IQCN: variants seen among roughly 807,000 people sequenced by gnomAD.
IQCN encodes the protein IQ motif containing N, also known as IQ domain-containing protein N.
IQCN carries 46 observed loss-of-function variants against 64.4 expected under a neutral mutation model. The ratio of observed to expected loss-of-function variants is 0.71; its 90% CI spans 0.56 to 0.91. IQCN has a LOEUF of 0.91. IQCN is among the 40% of genes least tolerant of loss of function. IQCN has a pLI of 0.00. For synonymous variants in IQCN, 733 were observed against 775.6 expected (o/e 0.95, Z 0.91); for missense variants, 1,753 against 1,857.4 (o/e 0.94, Z 1.03).
chr19:18,271,792 C>T (rs559460643), intron 1 of IQCN, among the ~76,000 whole-genome samples: 14 of 152,030 alleles, frequency 9.2e-5, no homozygotes, highest in African/African-American at 3.1e-4. Flanking sequence ...GGGCTCTGTT[C>T]GTTTATTATC....
Position 18,266,016 on chromosome 19 carries a change from T to TA in IQCN, c.1523dup (p.Leu508PhefsTer42), listed in dbSNP as rs750231991. ...TCTTGAGGATGGTGGCCACCGAGCG[T>TA]AACTGGGCTGGGGTCTTGGTTATCA... is the stretch of plus-strand genomic sequence containing the variant. On this transcript the variant is annotated frameshift_variant, in exon 3 of 4. Coordinates refer to ENST00000392413, the MANE Select transcript of IQCN (RefSeq NM_001145304.2). LOFTEE classifies it high-confidence loss of function. This position sits in a 1 kb window ranked among gnomAD's most constrained non-coding sequence, Gnocchi z 4.3. The TA allele has an allele frequency of 7.4e-6, 12 of 1,614,054 alleles. No homozygotes were observed. The Admixed American group carries it at 1.5e-4, about 20-fold the overall frequency.
intron 1 of IQCN, among the ~76,000 whole-genome samples, chr19:18,271,048 T>C (rs935862567): frequency 5.3e-5 from 8 of 151,002 alleles, no homozygotes; most frequent in Non-Finnish European, 1.0e-4. Flanking sequence ...GGCATGCACC[T>C]GTAATCCCAG....
In IQCN at chr19:18,257,653, T is replaced by C; in HGVS notation, c.3631A>G (p.Arg1211Gly). The change falls in exon 4 of 4, where the codon AGA (arginine) becomes GGA (glycine). Residue 1211 changes from arginine (R) to glycine (G), a missense_variant. Transcript: ENST00000392413. ...MSDRSWFQDG[R>G]ARTVSDHRCF... is the part of the protein sequence containing the mutation. ...CGATGGTCAGATACTGTCCTGGCTC[T>C]GCCATCCTGGAACCAGCTTCGGTCA... is the stretch of plus-strand genomic sequence containing the variant. 6.2e-7 allele frequency: 1 copy of C among 1,609,788 alleles called. No individual in the cohort carries two copies. The highest frequency in any genetic ancestry group is 8.5e-7 in the Non-Finnish European group (1 of 1,177,794).
intron 3 of IQCN, chr19:18,261,477 G>A (rs1433947430): frequency 6.4e-6 from 1 of 155,262 alleles, no homozygotes; most frequent in East Asian, 1.9e-4. Context: ...GATGGTCAGA[G>A]ATGGCTGGGT....
In IQCN at chr19:18,266,869, A is replaced by C; in HGVS notation, c.671T>G (p.Val224Gly). ...GACTCTGGCAGCATGAGGACCCTGC[A>C]CACAGGGCTCTGGGGTACCCTGAGC... Reference protein sequence around the residue: ...PAAQGTPEPCVQGPHAARVRG... With the variant: ...PAAQGTPEPCGQGPHAARVRG... Residue 224 changes from valine (V) to glycine (G), a missense_variant, in exon 3 of 4, where the codon GTG becomes GGG. By Grantham distance (109) the Val-to-Gly change is moderately radical. Transcript: ENST00000392413. The surrounding 1 kb of genome is among the most constrained non-coding windows in gnomAD (Gnocchi z 4.3). 1 of 1,612,922 alleles carries C rather than the reference A, an allele frequency of 6.2e-7. No homozygotes were observed. The highest frequency in any genetic ancestry group is 8.5e-7 in the Non-Finnish European group (1 of 1,179,230).
In IQCN at chr19:18,265,414, A is replaced by G; in HGVS notation, c.2126T>C (p.Leu709Pro). Residue 709 changes from leucine to proline, a missense_variant, in exon 3 of 4, where the codon CTG (leucine) becomes CCG (proline). By Grantham distance (98) the Leu-to-Pro change is moderately conservative. Transcript: ENST00000392413. This position sits in a 1 kb window ranked among gnomAD's most constrained non-coding sequence, Gnocchi z 4.7. ...ELTKTPSLAH[L>P]DTCLSKMHSQ... ...ATGCATCTTGCTCAGACAGGTGTCC[A>G]GATGGGCCAGGGATGGGGTCTTGGT... 6.2e-7 allele frequency: 1 copy of G among 1,614,214 alleles called. No homozygotes were observed. Among genetic ancestry groups the G allele is most frequent in the South Asian group, 1.1e-5 (1 of 91,084 alleles).
rs752385923 is a variant in IQCN, at chr19:18,265,991, T to C, written c.1549A>G (p.Thr517Ala). The change falls in exon 3 of 4, where the codon ACT becomes GCT. Residue 517 changes from threonine to alanine, a missense_variant. By Grantham distance (58) the Thr-to-Ala change is moderately conservative. Transcript: ENST00000392413. This position sits in a 1 kb window ranked among gnomAD's most constrained non-coding sequence, Gnocchi z 4.7. ...ACTGTTGGAGAGGCCAGACACAGAG[T>C]CTTGAGGATGGTGGCCACCGAGCGT... ...QLRSVATILK[T>A]LCLASPTVAN... is the part of the protein sequence containing the mutation. The C allele has an allele frequency of 1.2e-6, 2 of 1,613,610 alleles. No homozygotes were observed. The highest frequency in any genetic ancestry group is 1.7e-4 in the Middle Eastern group (1 of 6,060).
chr19:18,266,401 T>C lies in IQCN; in HGVS notation c.1139A>G (p.Gln380Arg), dbSNP rs754545764. Residue 380 changes from glutamine (Q) to arginine (R), a missense_variant, in exon 3 of 4, where the codon CAG becomes CGG. Physicochemically the swap from Gln to Arg is conservative, Grantham distance 43. Coordinates refer to ENST00000392413, the MANE Select transcript of IQCN (RefSeq NM_001145304.2). This position sits in a 1 kb window ranked among gnomAD's most constrained non-coding sequence, Gnocchi z 4.3. ...GGTCACTGTGGGCCCCGGATACATCTGGGCTGGGGTCTTGATTATTGTTAC... is the reference window on the plus strand; with the variant it reads ...GGTCACTGTGGGCCCCGGATACATCCGGGCTGGGGTCTTGATTATTGTTAC... ...PKVTIIKTPA[Q>R]MYPGPTVTKT... 6.3e-7 allele frequency: 1 copy of C among 1,595,660 alleles called. No individual in the cohort carries two copies.
Position 18,257,883 on chromosome 19 carries a change from C to T in IQCN, c.3401G>A (p.Arg1134Gln), listed in dbSNP as rs141150778. 2.1e-5 allele frequency: 34 copies of T among 1,612,376 alleles called. No homozygotes were observed. Among genetic ancestry groups the T allele is most frequent in the South Asian group, 1.5e-4 (14 of 91,076 alleles). Reference protein sequence around the residue: ...VRGYLARRRIRLWHRGAMVIQ... With the variant: ...VRGYLARRRIQLWHRGAMVIQ... ...GACCATGGCCCCCCGGTGCCACAGC[C>T]GGATCCTGCGACGCGCCAGGTAGCC... The change falls in exon 4 of 4, where the codon CGG becomes CAG. Residue 1134 changes from arginine (R) to glutamine (Q), a missense_variant. Arg to Gln is a conservative substitution (Grantham distance 43). Coordinates refer to ENST00000392413, the MANE Select transcript of IQCN (RefSeq NM_001145304.2).
chr19:18,265,280 T>A lies in IQCN; in HGVS notation c.2260A>T (p.Thr754Ser). ...GCCTGGTGCGCTGGGATGAGGCACG[T>A]GGTTATGTCTGTGATCGGCTGCCCC... The part of the protein sequence containing the change: ...SRGQPITDIT[T>S]CLIPAHQAAD... Residue 754 changes from threonine to serine, a missense_variant, in exon 3 of 4, where the codon ACG becomes TCG. Thr to Ser is a moderately conservative substitution (Grantham distance 58). Transcript: ENST00000392413. The surrounding 1 kb of genome is among the most constrained non-coding windows in gnomAD (Gnocchi z 4.7). 1 of 1,613,860 alleles carries A rather than the reference T, an allele frequency of 6.2e-7. No homozygotes were observed.
chr19:18,259,960 T>C (rs1171842082), intron 3 of IQCN: 1 of 152,334 alleles, frequency 6.6e-6, no homozygotes, highest in East Asian at 1.9e-4. Context: ...GCTATGGTTC[T>C]CCAGGGGAGA....
rs534361278 is a variant in IQCN at position 18,260,566 on chromosome 19, G to C, written c.3178-2460C>G. The C allele has an allele frequency of 3.3e-5, 5 of 152,984 alleles. 1 individual carries two copies. In the East Asian group the frequency reaches 7.7e-4, roughly 24 times the overall value. 9.5% of individuals were successfully genotyped at this position (152,984 alleles called of 1,614,324 possible). On this transcript the variant is annotated intron_variant, in intron 3 of 3. Coordinates refer to ENST00000392413, the MANE Select transcript of IQCN (RefSeq NM_001145304.2). ...AGGGCTTCCGTGTGGGCCACAGATG[G>C]TGGGAATAGGCTGGGGGCTATAGCT... is the stretch of plus-strand genomic sequence containing the variant.
chr19:18,260,342 T>C (rs1406488465), intron 3 of IQCN: 1 of 152,474 alleles, frequency 6.6e-6, no homozygotes, highest in East Asian at 1.9e-4. Context: ...AGGGATATGG[T>C]CCACCCAGGC....
chr19:18,270,154 G>A (rs556051474), intron 1 of IQCN, among the ~76,000 whole-genome samples: 1 of 151,618 alleles, frequency 6.6e-6, no homozygotes, highest in Non-Finnish European at 1.5e-5. Flanking sequence ...GAGGTCAGGA[G>A]TTCGAGACCA....
At chr19:18,272,013 G>C (rs1969743450) in intron 1 of IQCN, among the ~76,000 whole-genome samples, 1 of 151,900 alleles carries the variant, frequency 6.6e-6, no homozygotes, top group African/African-American at 2.4e-5. Flanking sequence ...TTTTTGGAGG[G>C]ACGGGGTTTC....
At chr19:18,270,830 CAAA>C (rs55706433) in intron 1 of IQCN, among the ~76,000 whole-genome samples, 37 of 107,080 alleles carry the variant, frequency 3.5e-4, no homozygotes, top group Non-Finnish European at 3.2e-4. Context: ...GACCCTGTCT[CAAA>C]AAAAAAAAAA....
intron 3 of IQCN, among the ~76,000 whole-genome samples, chr19:18,263,065 G>A (rs577562251): frequency 3.3e-5 from 5 of 152,278 alleles, no homozygotes; most frequent in South Asian, 2.1e-4. Flanking sequence ...GGAGTGGGCC[G>A]GTAGGGGAAG....
chr19:18,265,628 C>A lies in IQCN; in HGVS notation c.1912G>T (p.Ala638Ser), dbSNP rs1969549096. The change falls in exon 3 of 4, where the codon GCT (alanine) becomes TCT (serine). Residue 638 changes from alanine to serine, a missense_variant. Physicochemically the swap from Ala to Ser is moderately conservative, Grantham distance 99. Transcript: ENST00000392413. The surrounding 1 kb of genome is among the most constrained non-coding windows in gnomAD (Gnocchi z 4.7). ...MAGAPSWTKV[A>S]EEGDKPPHVY... ...TGAGGTGGCTTGTCCCCTTCCTCAG[C>A]AACTTTTGTCCAGGATGGAGCCCCA... 1 of 1,613,996 alleles carries A rather than the reference C, an allele frequency of 6.2e-7. No individual in the cohort carries two copies. The highest frequency in any genetic ancestry group is 1.3e-5 in the African/African-American group (1 of 74,930).
rs185209817 is a variant in IQCN, at chr19:18,272,680, G to A, written c.-110+1723C>T. ...GGCTGGAGTGCACTGGCACCATCTC[G>A]GCTCACTGCAAGCTCTGCCTCCCGG... On this transcript the variant is annotated intron_variant, in intron 1 of 3. Coordinates refer to ENST00000392413, the MANE Select transcript of IQCN (RefSeq NM_001145304.2). 3.9e-3 allele frequency among the ~76,000 whole-genome samples: 573 copies of A among 148,210 alleles called. 4 individuals are homozygous for A. Among genetic ancestry groups the A allele is most frequent in the Middle Eastern group, 0.035 (10 of 284 alleles).
Sources: allele counts gnomAD v4.1 joint callset (sites outside exome capture counted in the v4.1 genomes callset), GRCh38; gene constraint gnomAD v4.1.1; non-coding constraint Gnocchi (gnomAD v3.1); transcripts MANE v1.5; gene names NCBI Gene and HGNC (gene_info 2026-07-23, HGNC 2026-07-21).